Variants in NSD3 observed in about 807,000 individuals in gnomAD.
The protein encoded by NSD3 is nuclear receptor binding SET domain protein 3.
Under a neutral mutation model 160.8 loss-of-function variants are expected in NSD3, and 24 were observed. The observed-to-expected ratio is 0.15, with a 90% CI of 0.11 to 0.21. The LOEUF is 0.21. Among genes scored for constraint, NSD3 ranks in the 10% least tolerant of loss-of-function variants. The probability of loss-of-function intolerance (pLI) is 1.00; values close to 1 mark genes in which losing one functional copy is unlikely to be tolerated. For synonymous variants in NSD3, 520 were observed against 600.0 expected, an observed-to-expected ratio of 0.87 and a Z score of 1.95; for missense variants, 1,157 against 1,735.9, an observed-to-expected ratio of 0.67 and a Z score of 5.93.
In NSD3 at chr8:38,329,796, T is replaced by C. The variant is rs769379117; in HGVS notation, c.1163A>G (p.Glu388Gly). 4.3e-6 allele frequency: 7 copies of C among 1,613,922 alleles called. No individual in the cohort carries two copies. The Admixed American group carries it at 1.2e-4, about 27-fold the overall frequency. ...ATCAATGTAAATAAAAGTATACTGT[T>C]CTATTCTTTCTTCTCGAGTCATTTT... ...ALKMTREERI[E>G]QYTFIYIDKQ... The change falls in exon 6 of 24, where the codon GAA becomes GGA. Residue 388 changes from glutamate to glycine, a missense_variant. Glu to Gly is a moderately conservative substitution (Grantham distance 98). Around this residue, in one of 10 missense-constraint regions of NSD3, gnomAD observed 168 missense variants for 208.1 expected, o/e 0.81. Coordinates refer to ENST00000317025, the MANE Select transcript of NSD3 (RefSeq NM_023034.2). This position sits in a 1 kb window ranked among gnomAD's most constrained non-coding sequence, Gnocchi z 4.8.
At chr8:38,309,801 T>G (rs2131014944) in intron 12 of NSD3, among the ~76,000 whole-genome samples, 1 of 152,328 alleles carries the variant, frequency 6.6e-6, no homozygotes, top group East Asian at 1.9e-4. Flanking sequence ...TTTCCAGAAA[T>G]CACGTTTGAC....
At position 38,370,082 on chromosome 8, in the gene NSD3, C is replaced by G. The variant is rs559408677; in HGVS notation, c.-45+11717G>C. ...GTGCTGGGATTACAGGTGTGAGCCA[C>G]CACGCCCAGCCAGCCCACCCAGTTT... On this transcript the variant is annotated intron_variant, in intron 1 of 23. Transcript: ENST00000317025. 1.7e-3 allele frequency among the ~76,000 whole-genome samples: 266 copies of G among 152,318 alleles called. 1 individual carries two copies. Among genetic ancestry groups the G allele is most frequent in the Non-Finnish European group, 3.3e-3 (224 of 68,030 alleles).
At chr8:38,355,324 T>C (rs2150387691) in intron 1 of NSD3, among the ~76,000 whole-genome samples, 1 of 152,126 alleles carries the variant, frequency 6.6e-6, no homozygotes, top group South Asian at 2.1e-4. Flanking sequence ...CTTAAGACAG[T>C]GCCTGGCATA....
intron 12 of NSD3, among the ~76,000 whole-genome samples, chr8:38,308,893 G>A (rs759138858): frequency 1.6e-4 from 25 of 152,146 alleles, no homozygotes; most frequent in Admixed American, 3.3e-4. Flanking sequence ...GAAAACTAGT[G>A]CAAATGTTAT....
rs770920121 is a variant in NSD3, at chr8:38,290,460, C to T, written c.3118+15G>A. 1.9e-6 allele frequency: 3 copies of T among 1,613,748 alleles called. No individual in the cohort carries two copies. Among genetic ancestry groups the T allele is most frequent in the African/African-American group, 1.3e-5 (1 of 74,918 alleles). On this transcript the variant is annotated intron_variant, in intron 17 of 23. Coordinates refer to ENST00000317025, the MANE Select transcript of NSD3 (RefSeq NM_023034.2). Reference sequence around the variant, plus strand: ...AGTTGTAGTTTTGAGTCACTGTAAACATCATCCAGCTTACCCTTTTTGAAG... The same window carrying T: ...AGTTGTAGTTTTGAGTCACTGTAAATATCATCCAGCTTACCCTTTTTGAAG...
Position 38,299,480 on chromosome 8 carries a change from G to T in NSD3, c.2722C>A (p.Pro908Thr). Residue 908 changes from proline to threonine, a missense_variant, in exon 15 of 24, where the codon CCT becomes ACT. Coordinates refer to ENST00000317025, the MANE Select transcript of NSD3 (RefSeq NM_023034.2). ...TTCTTTTTGGAAGCTGACGAAGAAG[G>T]AATCATAGGTAATTTCATCAACTCA... The part of the protein sequence containing the change: ...RAELMKLPMI[P>T]SSSASKKKCE... 6.2e-7 allele frequency: 1 copy of T among 1,613,356 alleles called. No homozygotes were observed. Among genetic ancestry groups the T allele is most frequent in the East Asian group, 2.2e-5 (1 of 44,848 alleles).
rs770031665 is a variant in NSD3, at chr8:38,275,850, C to T, written c.4105G>A (p.Glu1369Lys). Residue 1369 changes from glutamate (E) to lysine (K), a missense_variant, in exon 24 of 24, where the codon GAG becomes AAG. By Grantham distance (56) the Glu-to-Lys change is moderately conservative. This residue lies in a region of NSD3 where 222 missense variants were observed against 409.9 expected (regional missense o/e 0.54). Transcript: ENST00000317025. ...KWECPWHQCD[E>K]CSSAAVSFCE... ...AAGGAAACAGCTGCACTGCTGCACT[C>T]ATCGCACTGATGCCACGGACACTCC... 6.2e-7 allele frequency: 1 copy of T among 1,614,140 alleles called. No homozygotes were observed.
At position 38,275,483 on chromosome 8, in the gene NSD3, C is replaced by A. The variant is rs928653794; in HGVS notation, c.*158G>T. ...ACCAAATCAAACAAAAACCAGACAC[C>A]ACCAACTGCTTCTGCCTGCATGAAC... On this transcript the variant is annotated 3_prime_UTR_variant, in exon 24 of 24. Transcript: ENST00000317025. 3.0e-6 allele frequency: 2 copies of A among 666,446 alleles called. No individual in the cohort carries two copies. The highest frequency in any genetic ancestry group is 3.0e-5 in the Admixed American group (1 of 33,190). 41.3% of individuals were successfully genotyped at this position (666,446 alleles called of 1,614,324 possible).
chr8:38,347,440 G>A, intron 2 of NSD3, 57 bp downstream of exon 2: 1 of 1,515,324 alleles, frequency 6.6e-7, no homozygotes, highest in Non-Finnish European at 8.8e-7. Flanking sequence ...AAGATCTCTT[G>A]AACTTCCAGT....
At chr8:38,358,178 A>G (rs1476171654) in intron 1 of NSD3, among the ~76,000 whole-genome samples, 1 of 152,244 alleles carries the variant, frequency 6.6e-6, no homozygotes, top group Non-Finnish European at 1.5e-5. Flanking sequence ...TAACTGAATC[A>G]GCATGAAAAT....
chr8:38,356,995 G>A (rs117178553), intron 1 of NSD3, among the ~76,000 whole-genome samples: 176 of 150,968 alleles, frequency 1.2e-3, no homozygotes, highest in Middle Eastern at 6.8e-3. Flanking sequence ...GGTACACGCC[G>A]GTAATCCCAG....
chr8:38,334,753 AAAACAAAC>A (rs141411435), intron 4 of NSD3, among the ~76,000 whole-genome samples: 1 of 151,870 alleles, frequency 6.6e-6, no homozygotes, highest in East Asian at 1.9e-4. Context: ...ATCCATCTCA[AAAACAAAC>A]AAACAAACAA....
rs570441252 is a variant in NSD3, at chr8:38,324,617, C to G, written c.1708+2113G>C. 3.3e-5 allele frequency among the ~76,000 whole-genome samples: 5 copies of G among 152,086 alleles called. No individual in the cohort carries two copies. In the South Asian group the frequency reaches 1.0e-3, roughly 32 times the overall value. On this transcript the variant is annotated intron_variant, in intron 7 of 23. Coordinates refer to ENST00000317025, the MANE Select transcript of NSD3 (RefSeq NM_023034.2). ...TAAGAAACATATATTTGATCTCTGC[C>G]CCTGGTTCCTGGCACAGAGCTCCTA... is the stretch of plus-strand genomic sequence containing the variant.
intron 1 of NSD3, among the ~76,000 whole-genome samples, chr8:38,372,249 G>A (rs1811264143): frequency 6.6e-6 from 1 of 152,156 alleles, no homozygotes; most frequent in Non-Finnish European, 1.5e-5. Flanking sequence ...ACCAAAAAGT[G>A]CAACAGAGAT....
chr8:38,341,246 T>C (rs1810358513), intron 2 of NSD3, among the ~76,000 whole-genome samples: 1 of 151,516 alleles, frequency 6.6e-6, no homozygotes, highest in South Asian at 2.1e-4. Context: ...TCTAAGAAAA[T>C]AAATTACAAT....
intron 2 of NSD3, among the ~76,000 whole-genome samples, chr8:38,344,741 T>C (rs1211342968): frequency 6.6e-6 from 1 of 152,186 alleles, no homozygotes; most frequent in Non-Finnish European, 1.5e-5. Flanking sequence ...TCTCCAGGAA[T>C]ACATTTTTCA....
At chr8:38,375,895 T>C (rs942797235) in intron 1 of NSD3, among the ~76,000 whole-genome samples, 2 of 152,044 alleles carry the variant, frequency 1.3e-5, no homozygotes, top group Non-Finnish European at 2.9e-5. Flanking sequence ...TTTTTAAAGT[T>C]TTAACAATTT....
intron 1 of NSD3, among the ~76,000 whole-genome samples, chr8:38,371,602 T>A (rs1811244307): frequency 6.6e-6 from 1 of 152,208 alleles, no homozygotes; most frequent in Admixed American, 6.5e-5. Flanking sequence ...AATAACATGC[T>A]ATTGCACTAC....
At chr8:38,371,832 G>C (rs901886601) in intron 1 of NSD3, among the ~76,000 whole-genome samples, 1 of 152,172 alleles carries the variant, frequency 6.6e-6, no homozygotes, top group Non-Finnish European at 1.5e-5. Context: ...ACCGTATTCA[G>C]CAGGTACTCA....
Sources: gnomAD v4.1 joint callset for allele counts (sites outside exome capture counted in the v4.1 genomes callset) on GRCh38, gnomAD v4.1.1 for gene constraint, gnomAD v4.1.1 regional missense constraint, Gnocchi (gnomAD v3.1) non-coding constraint, MANE v1.5 for transcripts, NCBI Gene and HGNC (gene_info 2026-07-23, HGNC 2026-07-21) for gene names.